The following HAS3 variants were observed in gnomAD, a reference collection of about 807,000 sequenced individuals.
HAS3 encodes HA synthase 3.
HAS3 carries 27 observed loss-of-function variants against 50.3 expected under a neutral mutation model. The observed-to-expected ratio is 0.54, with a 90% CI of 0.40 to 0.74. HAS3 has a LOEUF of 0.74. HAS3 is among the 30% of genes least tolerant of loss of function. The probability of loss-of-function intolerance (pLI) is 0.00; values close to 1 mark genes in which losing one functional copy is unlikely to be tolerated. For missense variants in HAS3, 517 were observed against 742.8 expected, an observed-to-expected ratio of 0.70 and a Z score of 3.53; for synonymous variants, 339 against 310.9, an observed-to-expected ratio of 1.09 and a Z score of -0.95.
the HAS3 span, among the ~76,000 whole-genome samples, chr16:69,091,776 A>T: frequency 6.6e-6 from 1 of 152,176 alleles, no homozygotes. Context: ...CGGGAGAGAA[A>T]TCTTGAGCCC....
At chr16:69,086,841 T>G in the HAS3 span, among the ~76,000 whole-genome samples, 1 of 152,084 alleles carries the variant, frequency 6.6e-6, no homozygotes, top group Admixed American at 6.5e-5. Flanking sequence ...GAAGCAGAGA[T>G]TGTGGTGAGC....
the HAS3 span, among the ~76,000 whole-genome samples, chr16:69,093,346 G>C: frequency 2.0e-5 from 3 of 151,876 alleles, no homozygotes; most frequent in Non-Finnish European, 2.9e-5. Flanking sequence ...TGAGTAGCTG[G>C]GATTACAGGC....
the HAS3 span, among the ~76,000 whole-genome samples, chr16:69,094,524 G>A: frequency 2.2e-4 from 33 of 152,318 alleles, no homozygotes; most frequent in African/African-American, 7.7e-4. Context: ...CAGGTGCTAA[G>A]TTGTGTGTCT....
chr16:69,098,658 C>T, the HAS3 span, among the ~76,000 whole-genome samples: 3 of 146,396 alleles, frequency 2.0e-5, no homozygotes. Flanking sequence ...TATTATCAAA[C>T]CTGATTTTTT....
intron 2 of HAS3, among the ~76,000 whole-genome samples, chr16:69,112,389 T>G (rs1399056041): frequency 6.6e-6 from 1 of 152,204 alleles, no homozygotes; most frequent in African/African-American, 2.4e-5. Context: ...CTGGTGCTGA[T>G]GCTGTTCTGA....
chr16:69,118,162 AGTTT>A, downstream of HAS3: 1 of 505,508 alleles, frequency 2.0e-6, no homozygotes, highest in East Asian at 3.3e-5. Flanking sequence ...CATCCACATC[AGTTT>A]AAATTTTGAG....
chr16:69,108,782 T>C (rs1302401815), intron 1 of HAS3, among the ~76,000 whole-genome samples: 1 of 152,246 alleles, frequency 6.6e-6, no homozygotes, highest in Non-Finnish European at 1.5e-5. Flanking sequence ...AAAGTTTCTC[T>C]AATAACTGTC....
chr16:69,102,339 G>GT (rs1384115916), upstream of HAS3, among the ~76,000 whole-genome samples: 3 of 152,176 alleles, frequency 2.0e-5, no homozygotes, highest in Non-Finnish European at 4.4e-5. Flanking sequence ...GATTGGGTGT[G>GT]GAATTAGCCC....
intron 2 of HAS3, 99 bp downstream of exon 2, chr16:69,110,130 G>A (rs1426215722): frequency 4.1e-6 from 5 of 1,227,242 alleles, no homozygotes; most frequent in Non-Finnish European, 5.7e-6. Context: ...AGGTCCCTTG[G>A]GTTGTGCACA....
Position 69,115,010 on chromosome 16 carries a change from C to G in HAS3, c.1406C>G (p.Ser469Cys). 1 of 1,614,194 alleles carries G rather than the reference C, an allele frequency of 6.2e-7. No individual in the cohort carries two copies. The highest frequency in any genetic ancestry group is 1.3e-5 in the African/African-American group (1 of 75,066). Residue 469 changes from serine (S) to cysteine (C), a missense_variant, in exon 4 of 4, where the codon TCT (serine) becomes TGT (cysteine). Transcript: ENST00000569188. Reference protein sequence around the residue: ...ATINKSGWGTSGRKTIVVNFI... With the variant: ...ATINKSGWGTCGRKTIVVNFI... ...ATCAACAAATCTGGCTGGGGCACCT[C>G]TGGCCGAAAAACCATTGTGGTGAAC...
the HAS3 span, among the ~76,000 whole-genome samples, chr16:69,094,129 GGGAACTAGGAA>G: frequency 6.6e-6 from 1 of 152,140 alleles, no homozygotes; most frequent in Non-Finnish European, 1.5e-5. Context: ...ACCTCTTCTG[GGGAACTAGGAA>G]AGCTACTGGG....
intron 2 of HAS3, 66 bp downstream of exon 2, chr16:69,110,097 G>A (rs958721199): frequency 1.0e-5 from 15 of 1,465,130 alleles, no homozygotes; most frequent in East Asian, 2.3e-5. Context: ...CAAACTCTCC[G>A]CCAAGAATCT....
chr16:69,087,375 G>A, the HAS3 span, among the ~76,000 whole-genome samples: 5 of 152,190 alleles, frequency 3.3e-5, 1 homozygote, highest in Non-Finnish European at 7.3e-5. Flanking sequence ...TGAACATTCT[G>A]GAGAGTTTCC....
Position 69,111,157 on chromosome 16 carries a change from ATTTTTTTTTTTTTTTTTT to A in HAS3, c.636+1141_636+1158del, listed in dbSNP as rs71148963. On this transcript the variant is annotated intron_variant, in intron 2 of 3. Coordinates refer to ENST00000569188, the MANE Select transcript of HAS3 (RefSeq NM_001199280.2). ...TAGGACCCTGGATTTCTAGGCCAGGATTTTTTTTTTTTTTTTTTTTTTTTTTTTTTTTGAGACAGAGTA... is the reference window on the plus strand; with the variant it reads ...TAGGACCCTGGATTTCTAGGCCAGGATTTTTTTTTTTTTTGAGACAGAGTA... Among the ~76,000 whole-genome samples, 181 of 62,326 alleles carry A rather than the reference ATTTTTTTTTTTTTTTTTT, an allele frequency of 2.9e-3. 3 individuals are homozygous for A. Among genetic ancestry groups the A allele is most frequent in the Middle Eastern group, 0.027 (2 of 74 alleles). 40.9% of individuals were successfully genotyped at this position (62,326 alleles called of 152,430 possible).
chr16:69,109,781 A>C lies in HAS3; in HGVS notation c.386A>C (p.Asp129Ala). The change falls in exon 2 of 4, where the codon GAC becomes GCC. Residue 129 changes from aspartate (D) to alanine (A), a missense_variant. Asp to Ala is a moderately radical substitution (Grantham distance 126, BLOSUM62 -2). Coordinates refer to ENST00000569188, the MANE Select transcript of HAS3 (RefSeq NM_001199280.2). This position sits in a 1 kb window ranked among gnomAD's most constrained non-coding sequence, Gnocchi z 5.3. ...VMVVDGNRQE[D>A]AYMLDIFHEV... ...GTGGTGGATGGCAACCGCCAGGAGG[A>C]CGCCTACATGCTGGACATCTTCCAC... The C allele has an allele frequency of 6.2e-7, 1 of 1,611,968 alleles. No homozygotes were observed. The highest frequency in any genetic ancestry group is 8.5e-7 in the Non-Finnish European group (1 of 1,180,010).
chr16:69,112,794 T>C (rs1430392044), intron 2 of HAS3, among the ~76,000 whole-genome samples: 2 of 152,200 alleles, frequency 1.3e-5, no homozygotes, highest in Non-Finnish European at 2.9e-5. Flanking sequence ...GAGTTGGCCC[T>C]GGGGTCTGCC....
Position 69,107,553 on chromosome 16 carries a change from G to C in HAS3, c.-1+1766G>C. On this transcript the variant is annotated intron_variant, in intron 1 of 3. Transcript: ENST00000569188. The surrounding 1 kb of genome is among the most constrained non-coding windows in gnomAD (Gnocchi z 5.5). ...GAGAAGCGTGGCGAGTGCGTTCGCG[G>C]CTGCTTTGACCTGGTGGGCGCCGCC... 3 of 985,550 alleles carry C rather than the reference G, an allele frequency of 3.0e-6. No individual in the cohort carries two copies. Among genetic ancestry groups the C allele is most frequent in the Non-Finnish European group, 3.6e-6 (3 of 830,032 alleles). 61.1% of individuals were successfully genotyped at this position (985,550 alleles called of 1,614,324 possible). A position where few individuals can be genotyped will look rare whatever the true frequency, so the allele number is the denominator to read the frequency against.
upstream of HAS3, among the ~76,000 whole-genome samples, chr16:69,101,596 T>G (rs1960697307): frequency 6.6e-6 from 1 of 152,148 alleles, no homozygotes; most frequent in Non-Finnish European, 1.5e-5. Context: ...TTCCTACACC[T>G]GGTCTTGTAC....
rs1158768391 is a variant in HAS3 at position 69,107,877 on chromosome 16, G to T, written c.1-1519G>T. Among the ~76,000 whole-genome samples, 5 of 152,246 alleles carry T rather than the reference G, an allele frequency of 3.3e-5. No homozygotes were observed. The highest frequency in any genetic ancestry group is 5.9e-5 in the Non-Finnish European group (4 of 68,026). On this transcript the variant is annotated intron_variant, in intron 1 of 3. Transcript: ENST00000569188. The surrounding 1 kb of genome is among the most constrained non-coding windows in gnomAD (Gnocchi z 5.5). Reference sequence around the variant, plus strand: ...CCCGGAGGCCGCGCTTCCCGGAGAGGCTAGGCTGCCAGCAGCTCTTTTCGG... The same window carrying T: ...CCCGGAGGCCGCGCTTCCCGGAGAGTCTAGGCTGCCAGCAGCTCTTTTCGG...
Sources: allele counts gnomAD v4.1 joint callset (sites outside exome capture counted in the v4.1 genomes callset), GRCh38; gene constraint gnomAD v4.1.1; non-coding constraint Gnocchi (gnomAD v3.1); transcripts MANE v1.5; gene names NCBI Gene and HGNC (gene_info 2026-07-23, HGNC 2026-07-21).